KIF15: variants seen among roughly 807,000 people sequenced by gnomAD.
The protein encoded by KIF15 is kinesin family member 15, also known as kinesin-like protein KIF15.
Under a neutral mutation model 190.6 loss-of-function variants are expected in KIF15, and 140 were observed. The observed-to-expected ratio is 0.73, with a 90% CI of 0.64 to 0.84. The LOEUF (loss-of-function observed/expected upper bound fraction) is 0.84. KIF15 is among the 40% of genes least tolerant of loss of function. The pLI, the probability that KIF15 is intolerant of heterozygous loss-of-function variation, is 0.00. For missense variants in KIF15, 1,372 were observed against 1,584.4 expected (o/e 0.87, Z 2.28); for synonymous variants, 528 against 551.3 (o/e 0.96, Z 0.59).
intron 7 of KIF15, among the ~76,000 whole-genome samples, chr3:44,792,610 G>C (rs894646778): frequency 6.7e-6 from 1 of 149,954 alleles, no homozygotes; most frequent in Non-Finnish European, 1.5e-5. Context: ...GGAATGGCCC[G>C]ATCTTGGCTC....
In KIF15 at chr3:44,828,274, C is replaced by T; in HGVS notation, c.2917C>T (p.Leu973=). 1 of 1,612,832 alleles carries T rather than the reference C, an allele frequency of 6.2e-7. No homozygotes were observed. The highest frequency in any genetic ancestry group is 1.3e-5 in the African/African-American group (1 of 75,006). ...LLATEKVISS[L]EKSRDSDKKV... Reference sequence around the variant, plus strand: ...TGCTACTGAAAAAGTGATCAGTTCCCTGGAAAAGTCTAGAGATTCTGATAA... The same window carrying T: ...TGCTACTGAAAAAGTGATCAGTTCCTTGGAAAAGTCTAGAGATTCTGATAA... The change falls in exon 24 of 35, where the codon CTG becomes TTG. Residue 973 remains leucine, a synonymous_variant. Transcript: ENST00000326047.
intron 20 of KIF15, among the ~76,000 whole-genome samples, chr3:44,820,496 G>A (rs1295050570): frequency 1.3e-5 from 2 of 152,014 alleles, no homozygotes; most frequent in East Asian, 1.9e-4. Context: ...AGGACCCTGC[G>A]GCCTTCCGCA....
chr3:44,861,934 A>G, intron 6 of KIF15: 1 of 1,433,776 alleles, frequency 7.0e-7, no homozygotes, highest in Non-Finnish European at 9.1e-7. Flanking sequence ...CATGGCCGAG[A>G]GGCCGGGGCC....
chr3:44,768,734 G>T (rs1472321629), intron 1 of KIF15, among the ~76,000 whole-genome samples: 4 of 152,120 alleles, frequency 2.6e-5, no homozygotes, highest in Non-Finnish European at 5.9e-5. Context: ...GCTGACAGGG[G>T]GTGCTGTGTT....
At chr3:44,789,437 AG>A (rs1433602162) in intron 7 of KIF15, among the ~76,000 whole-genome samples, 1 of 151,550 alleles carries the variant, frequency 6.6e-6, no homozygotes, top group African/African-American at 2.4e-5. Flanking sequence ...CTAGTCTTTG[AG>A]TTTTTTTTGA....
chr3:44,795,302 C>T (rs1320555082), intron 8 of KIF15, among the ~76,000 whole-genome samples: 1 of 152,052 alleles, frequency 6.6e-6, no homozygotes, highest in African/African-American at 2.4e-5. Flanking sequence ...GGGGGCATCT[C>T]AAGGGTTATT....
At chr3:44,865,279 C>A in intron 6 of KIF15, 1 of 1,512,810 alleles carries the variant, frequency 6.6e-7, no homozygotes, top group Admixed American at 1.8e-5. Flanking sequence ...AGTTGTGCAG[C>A]CTTCTGACCA....
intron 4 of KIF15, among the ~76,000 whole-genome samples, chr3:44,779,108 A>G (rs1270068975): frequency 2.0e-5 from 3 of 152,066 alleles, no homozygotes; most frequent in Non-Finnish European, 4.4e-5. Context: ...AGTACTAAAA[A>G]TTATTTACCT....
rs1707252122 is a variant in KIF15 at position 44,801,185 on chromosome 3, T to A, written c.1223-265T>A. Among the ~76,000 whole-genome samples the A allele has an allele frequency of 2.0e-5, 3 of 150,692 alleles. No individual in the cohort carries two copies. The South Asian group carries it at 6.4e-4, about 32-fold the overall frequency. ...ACCATGCCCAGCTAATTTTTTTGTA[T>A]TTTTAGTAGAGATCGGGGGCGGCGG... On this transcript the variant is annotated intron_variant, in intron 11 of 34. Transcript: ENST00000326047.
chr3:44,813,537 C>T (rs903116585), intron 19 of KIF15, among the ~76,000 whole-genome samples: 1 of 152,086 alleles, frequency 6.6e-6, no homozygotes, highest in Admixed American at 6.6e-5. Context: ...CCACCTCAGC[C>T]TCCTGAGTAG....
intron 1 of KIF15, among the ~76,000 whole-genome samples, chr3:44,773,148 AAC>A (rs1553643330): frequency 1.3e-4 from 19 of 148,234 alleles, no homozygotes; most frequent in East Asian, 2.0e-4. Context: ...AAAAAAAAAA[AAC>A]AACAACAAAG....
intron 20 of KIF15, 98 bp from the exon 21 acceptor site, chr3:44,825,941 A>G: frequency 1.9e-6 from 2 of 1,066,290 alleles, no homozygotes; most frequent in South Asian, 3.1e-5. Context: ...TGAGTTGGGA[A>G]TGGGCTGTAG....
At chr3:44,805,777 G>A (rs1575617474) in intron 15 of KIF15, 68 bp from the exon 16 acceptor site, 4 of 1,393,662 alleles carry the variant, frequency 2.9e-6, no homozygotes, top group South Asian at 2.6e-5. Context: ...AGCATAAACT[G>A]TAAAGTATTC....
chr3:44,815,997 T>C (rs1399833225), intron 20 of KIF15, among the ~76,000 whole-genome samples: 1 of 152,200 alleles, frequency 6.6e-6, no homozygotes, highest in Non-Finnish European at 1.5e-5. Flanking sequence ...GAAGAAAACT[T>C]GAGATCTGCA....
At chr3:44,858,155 A>C (rs1461071606), downstream of KIF15, among the ~76,000 whole-genome samples, 1 of 152,200 alleles carries the variant, frequency 6.6e-6, no homozygotes, top group African/African-American at 2.4e-5. Flanking sequence ...TGAAAAAAGC[A>C]TCTTTAAGAT....
In KIF15 at chr3:44,800,405, G is replaced by A. The variant is rs1178965258; in HGVS notation, c.1190G>A (p.Gly397Glu). ...LKEQLAELAS[G>E]QTPPESFLTR... The stretch of plus-strand genomic sequence containing the variant: ...GAACAACTGGCGGAGCTTGCTTCAG[G>A]ACAGACACCACCAGAAAGCTTCCTG... The change falls in exon 11 of 35, where the codon GGA becomes GAA. Residue 397 changes from glycine to glutamate, a missense_variant. Gly to Glu is a moderately conservative substitution (Grantham distance 98). Coordinates refer to ENST00000326047, the MANE Select transcript of KIF15 (RefSeq NM_020242.3). The A allele has an allele frequency of 6.2e-7, 1 of 1,614,160 alleles. No homozygotes were observed. Among genetic ancestry groups the A allele is most frequent in the African/African-American group, 1.3e-5 (1 of 75,054 alleles).
At chr3:44,811,139 G>C (rs1707765813) in intron 17 of KIF15, 96 bp downstream of exon 17, 1 of 905,594 alleles carries the variant, frequency 1.1e-6, no homozygotes, top group African/African-American at 1.7e-5. Context: ...GTGTTCAAAA[G>C]TGCTTAGTAT....
intron 5 of KIF15, among the ~76,000 whole-genome samples, chr3:44,781,395 T>G (rs1441120797): frequency 6.6e-6 from 1 of 152,252 alleles, no homozygotes; most frequent in South Asian, 2.1e-4. Flanking sequence ...TGTTGTTGCA[T>G]GTAGTAGTAG....
chr3:44,802,281 T>A (rs527550670), intron 13 of KIF15, among the ~76,000 whole-genome samples: 7 of 152,288 alleles, frequency 4.6e-5, no homozygotes, highest in African/African-American at 1.7e-4. Flanking sequence ...CCTTTTAACG[T>A]TTTTGTTGTT....
Sources: allele counts gnomAD v4.1 joint callset (sites outside exome capture counted in the v4.1 genomes callset), GRCh38; gene constraint gnomAD v4.1.1; transcripts MANE v1.5; gene names NCBI Gene and HGNC (gene_info 2026-07-23, HGNC 2026-07-21).